ACAP1: variants seen among roughly 807,000 people sequenced by gnomAD.
ACAP1 encodes arf-GAP with coiled-coil, ANK repeat and PH domain-containing protein 1.
A neutral mutation model predicts 98.8 loss-of-function variants in ACAP1; 45 were observed. The ratio of observed to expected loss-of-function variants is 0.46; its 90% CI spans 0.36 to 0.58. The LOEUF (loss-of-function observed/expected upper bound fraction) is 0.58. ACAP1 is among the 20% of genes least tolerant of loss of function. ACAP1 has a pLI of 0.00. For synonymous variants in ACAP1, 362 were observed against 375.3 expected (o/e 0.96, Z 0.41); for missense variants, 735 against 971.4 (o/e 0.76, Z 3.24).
intron 1 of ACAP1, 48 bp from the exon 2 acceptor site, chr17:7,337,264 C>G: frequency 6.3e-7 from 1 of 1,586,066 alleles, no homozygotes; most frequent in Non-Finnish European, 8.7e-7. Context: ...ATGAGGCAGA[C>G]AGACCAGATG....
intron 2 of ACAP1, among the ~76,000 whole-genome samples, chr17:7,341,110 C>T (rs980151904): frequency 2.0e-5 from 3 of 152,218 alleles, no homozygotes; most frequent in Admixed American, 6.5e-5. Flanking sequence ...GCAGTGAGCA[C>T]AGAATGGGAC....
Position 7,350,679 on chromosome 17 carries a change from G to A in ACAP1, c.2073-271G>A, listed in dbSNP as rs377103168. 1 of 459,790 alleles carries A rather than the reference G, an allele frequency of 2.2e-6. No individual in the cohort carries two copies. Among genetic ancestry groups the A allele is most frequent in the Non-Finnish European group, 4.0e-6 (1 of 252,414 alleles). The allele number at this position is 459,790 out of a possible 1,614,324, so 28.5% of individuals were successfully genotyped here. On this transcript the variant is annotated intron_variant, in intron 20 of 21. Transcript: ENST00000158762. This position sits in a 1 kb window ranked among gnomAD's most constrained non-coding sequence, Gnocchi z 4.6. ...GCTAGAGTGCAGGGGCGCGATCTCG[G>A]CTCACTGCAACCCCCGCCTCCCGGG...
chr17:7,339,349 G>A (rs965850745), intron 2 of ACAP1, among the ~76,000 whole-genome samples: 1 of 151,970 alleles, frequency 6.6e-6, no homozygotes, highest in Non-Finnish European at 1.5e-5. Flanking sequence ...AGTGGCTCAC[G>A]CCTGTAATCC....
chr17:7,336,904 C>A, intron 1 of ACAP1, 117 bp downstream of exon 1: 2 of 1,168,396 alleles, frequency 1.7e-6, no homozygotes, highest in Non-Finnish European at 2.5e-6. Context: ...GAGGCAGGAG[C>A]GAGCCTGTGG....
At position 7,346,592 on chromosome 17, in the gene ACAP1, CTTTAA is replaced by C. The variant is rs537125070; in HGVS notation, c.1007+109_1007+113del. ...TGGAGGCCCCCCATGCAGCTCCAGACTTTAATTTAATTCTTTGGCGGCTGGACTGG... is the reference window on the plus strand; with the variant it reads ...TGGAGGCCCCCCATGCAGCTCCAGACTTTAATTCTTTGGCGGCTGGACTGG... On this transcript the variant is annotated intron_variant, in intron 12 of 21. Transcript: ENST00000158762. 1,649 of 1,252,190 alleles carry C rather than the reference CTTTAA, an allele frequency of 1.3e-3. 4 individuals are homozygous for C. Among genetic ancestry groups the C allele is most frequent in the African/African-American group, 8.3e-3 (552 of 66,590 alleles). 77.6% of individuals were successfully genotyped at this position (1,252,190 alleles called of 1,614,324 possible).
At chr17:7,351,020 AC>A (rs759860134) in intron 21 of ACAP1, 21 bp downstream of exon 21, 40 of 1,608,678 alleles carry the variant, frequency 2.5e-5, no homozygotes, top group Non-Finnish European at 3.4e-5. Context: ...CACCCACCCC[AC>A]CCCCCAGGCC....
At position 7,349,003 on chromosome 17, in the gene ACAP1, T is replaced by A; in HGVS notation, c.1687T>A (p.Ser563Thr). Residue 563 changes from serine to threonine, a missense_variant, in exon 18 of 22, where the codon TCT (serine) becomes ACT (threonine). Physicochemically the swap from Ser to Thr is moderately conservative, Grantham distance 58. This residue lies in a region of ACAP1 where 80 missense variants were observed against 64.4 expected (regional missense o/e 1.24). Transcript: ENST00000158762. ...GSLRSKPEPP[S>T]EDLGSLHPGA... ...CCAAATCCCCCGAACAGAGCCCCCC[T>A]CTGAGGACCTGGGAAGCCTGCACCC... 1.9e-6 allele frequency: 3 copies of A among 1,612,712 alleles called. No individual in the cohort carries two copies. The highest frequency in any genetic ancestry group is 2.5e-6 in the Non-Finnish European group (3 of 1,179,776).
chr17:7,342,506 C>G (rs2073296005), intron 5 of ACAP1, 32 bp downstream of exon 5: 2 of 1,610,432 alleles, frequency 1.2e-6, no homozygotes, highest in Admixed American at 3.3e-5. Flanking sequence ...TGGCTCATGC[C>G]TGTAATCCCA....
In ACAP1 at chr17:7,350,370, A is replaced by G. The variant is rs1230103297; in HGVS notation, c.2072+133A>G. ...TGGGGCCTCGGAAAGGGGCTGGGCCAGCGCCGGGGCCAGGCTCGAGAAAGG... is the reference window on the plus strand; with the variant it reads ...TGGGGCCTCGGAAAGGGGCTGGGCCGGCGCCGGGGCCAGGCTCGAGAAAGG... On this transcript the variant is annotated intron_variant, in intron 20 of 21. Coordinates refer to ENST00000158762, the MANE Select transcript of ACAP1 (RefSeq NM_014716.4). The surrounding 1 kb of genome is among the most constrained non-coding windows in gnomAD (Gnocchi z 4.6). 22 of 711,424 alleles carry G rather than the reference A, an allele frequency of 3.1e-5. No homozygotes were observed. Among genetic ancestry groups the G allele is most frequent in the Non-Finnish European group, 4.8e-5 (21 of 440,376 alleles). 44.1% of individuals were successfully genotyped at this position (711,424 alleles called of 1,614,324 possible). A position where few individuals can be genotyped will look rare whatever the true frequency, so the allele number is the denominator to read the frequency against.
At chr17:7,342,915 A>G (rs1482780633) in intron 5 of ACAP1, 3 of 198,916 alleles carry the variant, frequency 1.5e-5, no homozygotes, top group African/African-American at 7.2e-5. Context: ...CTCAAAAAAA[A>G]AAAAAAAAAA....
chr17:7,338,344 C>T (rs796391117), intron 2 of ACAP1, among the ~76,000 whole-genome samples: 8 of 152,158 alleles, frequency 5.3e-5, no homozygotes, highest in African/African-American at 1.9e-4. Context: ...ACCTCCACCT[C>T]CCAGGTTCAA....
In ACAP1 at chr17:7,346,482, C is replaced by A; in HGVS notation, c.998C>A (p.Ser333Tyr). The A allele has an allele frequency of 6.2e-7, 1 of 1,606,966 alleles. No homozygotes were observed. ...SERRFCFEVV[S>Y]TSKSCLLQAD... ...AGGCGGTTCTGCTTTGAGGTGGTGTCCACCAGCAAGTGAGTGCAATCCCCA... is the reference window on the plus strand; with the variant it reads ...AGGCGGTTCTGCTTTGAGGTGGTGTACACCAGCAAGTGAGTGCAATCCCCA... The change falls in exon 12 of 22, where the codon TCC becomes TAC. Residue 333 changes from serine to tyrosine, a missense_variant. Ser to Tyr is a moderately radical substitution (Grantham distance 144). This residue lies in a region of ACAP1 where 430 missense variants were observed against 531.8 expected (regional missense o/e 0.81). Transcript: ENST00000158762.
intron 21 of ACAP1, 31 bp downstream of exon 21, chr17:7,351,030 C>T (rs1269262066): frequency 1.2e-6 from 2 of 1,608,456 alleles, no homozygotes; most frequent in Admixed American, 1.7e-5. Flanking sequence ...ACCCCCCAGG[C>T]CCAACACCTG....
intron 21 of ACAP1, 115 bp from the exon 22 acceptor site, chr17:7,351,180 G>A: frequency 9.0e-7 from 1 of 1,113,004 alleles, no homozygotes; most frequent in South Asian, 1.5e-5. Flanking sequence ...TGCCCGCGGC[G>A]CGCACGTTCC....
rs374948592 is a variant in ACAP1 at position 7,343,970 on chromosome 17, G to A, written c.669+14G>A. 6.3e-7 allele frequency: 1 copy of A among 1,580,036 alleles called. No individual in the cohort carries two copies. The highest frequency in any genetic ancestry group is 1.7e-4 in the Middle Eastern group (1 of 6,010). On this transcript the variant is annotated intron_variant, in intron 8 of 21. Transcript: ENST00000158762. This position sits in a 1 kb window ranked among gnomAD's most constrained non-coding sequence, Gnocchi z 4.9. ...CTGGGCGCCCAGGTGGGGCCCCAGG[G>A]CACAGCAGGTGGTAGAGGGAGGTTA...
chr17:7,346,169 G>A, intron 10 of ACAP1, 75 bp from the exon 11 acceptor site: 6 of 1,433,044 alleles, frequency 4.2e-6, no homozygotes, highest in East Asian at 2.3e-5. Flanking sequence ...GATCCTCATG[G>A]GCAAAAAGCA....
Position 7,342,319 on chromosome 17 carries a change from C to T in ACAP1, c.276C>T (p.Asp92=), listed in dbSNP as rs1597649839. ...KFTVSLNHKL[D]SHAELLDATQ... is the part of the protein sequence containing the mutation. ...CCGTGAGCCTGAACCACAAGCTGGA[C>T]AGCCATGCGGTAAGTAGGGGAAGGT... The change falls in exon 4 of 22, where the codon GAC becomes GAT. Residue 92 remains aspartate, a synonymous_variant. Coordinates refer to ENST00000158762, the MANE Select transcript of ACAP1 (RefSeq NM_014716.4). The T allele has an allele frequency of 1.9e-6, 3 of 1,614,186 alleles. No homozygotes were observed. Among genetic ancestry groups the T allele is most frequent in the East Asian group, 4.5e-5 (2 of 44,876 alleles).
At position 7,343,139 on chromosome 17, in the gene ACAP1, AG is replaced by A; in HGVS notation, c.345-235del. 1 of 469,396 alleles carries A rather than the reference AG, an allele frequency of 2.1e-6. No individual in the cohort carries two copies. Among genetic ancestry groups the A allele is most frequent in the Non-Finnish European group, 3.8e-6 (1 of 266,248 alleles). The allele number at this position is 469,396 out of a possible 1,614,324, so 29.1% of individuals were successfully genotyped here. On this transcript the variant is annotated intron_variant, in intron 5 of 21. Transcript: ENST00000158762. The surrounding 1 kb of genome is among the most constrained non-coding windows in gnomAD (Gnocchi z 4.9). ...TAAAGGGGGAGTGAGATGGGAGAGA[AG>A]GGGGCCTTATTTCTCGGAAACCAGC...
Position 7,343,114 on chromosome 17 carries a change from TA to T in ACAP1, c.345-262del. The T allele has an allele frequency of 2.5e-6, 1 of 396,316 alleles. No individual in the cohort carries two copies. Among genetic ancestry groups the T allele is most frequent in the Non-Finnish European group, 4.5e-6 (1 of 222,216 alleles). The allele number at this position is 396,316 out of a possible 1,614,324, so 24.5% of individuals were successfully genotyped here. A position where few individuals can be genotyped will look rare whatever the true frequency, so the allele number is the denominator to read the frequency against. ...AACAACAACAACAACAAAAATTTTT[TA>T]AAGGGGGAGTGAGATGGGAGAGAAG... On this transcript the variant is annotated intron_variant, in intron 5 of 21. Transcript: ENST00000158762. The surrounding 1 kb of genome is among the most constrained non-coding windows in gnomAD (Gnocchi z 4.9).
Sources: allele counts gnomAD v4.1 joint callset (sites outside exome capture counted in the v4.1 genomes callset), GRCh38; gene constraint gnomAD v4.1.1; regional missense constraint gnomAD v4.1.1; non-coding constraint Gnocchi (gnomAD v3.1); transcripts MANE v1.5; gene names NCBI Gene and HGNC (gene_info 2026-07-23, HGNC 2026-07-21).